SUMO2: variants seen among roughly 807,000 people sequenced by gnomAD.
SUMO2 encodes small ubiquitin-related modifier 2.
SUMO2 carries 1 observed loss-of-function variant against 16.0 expected under a neutral mutation model. The observed-to-expected ratio is 0.06, with a 90% CI of 0.02 to 0.30. The LOEUF is 0.30. Among genes scored for constraint, SUMO2 ranks in the 10% least tolerant of loss-of-function variants. The probability of loss-of-function intolerance (pLI) is 1.00; values close to 1 mark genes in which losing one functional copy is unlikely to be tolerated. For synonymous variants in SUMO2, 36 were observed against 40.6 expected, an observed-to-expected ratio of 0.89 and a Z score of 0.43; for missense variants, 16 against 117.5, an observed-to-expected ratio of 0.14 and a Z score of 3.99.
intron 3 of SUMO2, among the ~76,000 whole-genome samples, chr17:75,172,367 T>C (rs1464295948): frequency 6.9e-6 from 1 of 145,906 alleles, no homozygotes; most frequent in Admixed American, 7.1e-5. Flanking sequence ...TTACCCAGGC[T>C]GGAGTGCAGT....
chr17:75,175,758 G>A (rs762268467), intron 2 of SUMO2, among the ~76,000 whole-genome samples: 4 of 150,756 alleles, frequency 2.7e-5, no homozygotes, highest in East Asian at 2.0e-4. Context: ...TCAGCCTCCC[G>A]AGTAGCTGGG....
intron 3 of SUMO2, among the ~76,000 whole-genome samples, chr17:75,173,012 G>A (rs2074753969): frequency 6.6e-6 from 1 of 152,108 alleles, no homozygotes; most frequent in Non-Finnish European, 1.5e-5. Flanking sequence ...AATTTTCAAA[G>A]ATTATCAACA....
Position 75,174,820 on chromosome 17 carries a change from A to G in SUMO2, c.157T>C (p.Leu53=), listed in dbSNP as rs1294928931. 6.2e-7 allele frequency: 1 copy of G among 1,613,180 alleles called. No individual in the cohort carries two copies. The highest frequency in any genetic ancestry group is 8.5e-7 in the Non-Finnish European group (1 of 1,179,700). Residue 53 remains leucine (L), a synonymous_variant, in exon 3 of 4, where the codon TTG becomes CTG. Coordinates refer to ENST00000420826, the MANE Select transcript of SUMO2 (RefSeq NM_006937.4). ...LMKAYCERQG[L]SMRQIRFRFD... The stretch of plus-strand genomic sequence containing the variant: ...CGGAATCTGATCTGCCTCATTGACA[A>G]TCCCTGAACGAGAATTTAAAAGCAA...
chr17:75,168,496 C>A, intron 3 of SUMO2, 95 bp from the exon 4 acceptor site: 2 of 997,780 alleles, frequency 2.0e-6, no homozygotes, highest in South Asian at 1.7e-5. Flanking sequence ...TGTACATGTT[C>A]CACTAAGTTC....
At chr17:75,174,964 G>C (rs2074770471) in intron 2 of SUMO2, 141 bp from the exon 3 acceptor site, 1 of 729,208 alleles carries the variant, frequency 1.4e-6, no homozygotes, top group South Asian at 1.9e-5. Flanking sequence ...TACCCTATAG[G>C]TAAAAAGATT....
Position 75,168,014 on chromosome 17 carries a change from A to T in SUMO2, c.*325T>A. On this transcript the variant is annotated 3_prime_UTR_variant, in exon 4 of 4. Coordinates refer to ENST00000420826, the MANE Select transcript of SUMO2 (RefSeq NM_006937.4). ...CAAAATAACTTACTGGAATATAAAG[A>T]TAAGAGCTGAATGAGCATGCCACTA... The T allele has an allele frequency of 5.0e-6, 1 of 201,186 alleles. No individual in the cohort carries two copies. 12.5% of individuals were successfully genotyped at this position (201,186 alleles called of 1,614,324 possible).
At chr17:75,179,822 C>CT (rs1426978630) in intron 2 of SUMO2, among the ~76,000 whole-genome samples, 1 of 151,964 alleles carries the variant, frequency 6.6e-6, no homozygotes, top group Admixed American at 6.6e-5. Context: ...CCACGCCCAG[C>CT]TAATTTTTTT....
At chr17:75,180,452 C>T (rs906170348) in intron 2 of SUMO2, among the ~76,000 whole-genome samples, 3 of 129,042 alleles carry the variant, frequency 2.3e-5, no homozygotes, top group African/African-American at 8.6e-5. Flanking sequence ...GTGGCTCATG[C>T]TTGTAATCCC....
At position 75,165,606 on chromosome 17, in the gene SUMO2, T is replaced by A. The variant is rs952933614; in HGVS notation, c.*2733A>T. 1 of 152,170 alleles carries A rather than the reference T, an allele frequency of 6.6e-6. No individual in the cohort carries two copies. Among genetic ancestry groups the A allele is most frequent in the Non-Finnish European group, 1.5e-5 (1 of 68,036 alleles). The allele number at this position is 152,170 out of a possible 1,614,324, so 9.4% of individuals were successfully genotyped here. A position where few individuals can be genotyped will look rare whatever the true frequency, so the allele number is the denominator to read the frequency against. On this transcript the variant is annotated 3_prime_UTR_variant, in exon 4 of 4. Transcript: ENST00000420826. Reference sequence around the variant, plus strand: ...CATGGTGACTTGATGGTAGATTATATTGGTAGGTTGACAATCAGTATGGAC... The same window carrying A: ...CATGGTGACTTGATGGTAGATTATAATGGTAGGTTGACAATCAGTATGGAC...
chr17:75,176,986 C>T (rs568523623), intron 2 of SUMO2, among the ~76,000 whole-genome samples: 1 of 151,916 alleles, frequency 6.6e-6, no homozygotes, highest in African/African-American at 2.4e-5. Flanking sequence ...AGTTCGAGAC[C>T]AGCCTGTCCA....
chr17:75,177,187 T>A (rs540576948), intron 2 of SUMO2, among the ~76,000 whole-genome samples: 50 of 148,168 alleles, frequency 3.4e-4, no homozygotes, highest in African/African-American at 1.0e-3. Context: ...AAAAAAAAAA[T>A]TAATTAATTA....
rs571800744 is a variant in SUMO2 at position 75,182,726 on chromosome 17, G to A, written c.21+88C>T. 6.8e-5 allele frequency: 79 copies of A among 1,160,310 alleles called. No individual in the cohort carries two copies. The South Asian group carries it at 9.7e-4, about 14-fold the overall frequency. 71.9% of individuals were successfully genotyped at this position (1,160,310 alleles called of 1,614,324 possible). A position where few individuals can be genotyped will look rare whatever the true frequency, so the allele number is the denominator to read the frequency against. ...CCCGTGGGGGGCCCGGGAAAGCGCT[G>A]GGAGCCAGCGGCGGGCTCTGGCCGG... On this transcript the variant is annotated intron_variant, in intron 1 of 3. Transcript: ENST00000420826.
At chr17:75,181,632 G>A (rs1005671415) in intron 1 of SUMO2, among the ~76,000 whole-genome samples, 2 of 152,004 alleles carry the variant, frequency 1.3e-5, no homozygotes, top group African/African-American at 4.8e-5. Flanking sequence ...CATTACCGTT[G>A]TCATTAAAAA....
At chr17:75,171,307 C>A (rs953121045) in intron 3 of SUMO2, among the ~76,000 whole-genome samples, 1 of 150,942 alleles carries the variant, frequency 6.6e-6, no homozygotes, top group Non-Finnish European at 1.5e-5. Flanking sequence ...TTTGTACTGA[C>A]TCCGTCAATA....
At chr17:75,171,335 A>G (rs971996053) in intron 3 of SUMO2, among the ~76,000 whole-genome samples, 1 of 151,780 alleles carries the variant, frequency 6.6e-6, no homozygotes, top group Non-Finnish European at 1.5e-5. Context: ...TAAAATAAAA[A>G]CAACATAAAC....
At chr17:75,173,263 A>G (rs2074756072) in intron 3 of SUMO2, among the ~76,000 whole-genome samples, 2 of 152,060 alleles carry the variant, frequency 1.3e-5, no homozygotes, top group Admixed American at 6.6e-5. Context: ...TCCTGGACTC[A>G]AGCACCCCTC....
intron 2 of SUMO2, 50 bp downstream of exon 2, chr17:75,181,007 A>G (rs774908703): frequency 1.2e-6 from 2 of 1,604,560 alleles, no homozygotes; most frequent in Non-Finnish European, 8.5e-7. Flanking sequence ...TGAAAATAAG[A>G]TTTTTAAAAA....
Position 75,169,378 on chromosome 17 carries a change from A to G in SUMO2, c.226-977T>C, listed in dbSNP as rs1461069503. Among the ~76,000 whole-genome samples, 10 of 151,638 alleles carry G rather than the reference A, an allele frequency of 6.6e-5. No individual in the cohort carries two copies. In the East Asian group the frequency reaches 1.9e-3, roughly 30 times the overall value. On this transcript the variant is annotated intron_variant, in intron 3 of 3. Transcript: ENST00000420826. ...ACCTGGTGACACCCCATCCCTATTA[A>G]AAAAAAATTTTTTTTTTTTTTTTGA...
intron 2 of SUMO2, among the ~76,000 whole-genome samples, chr17:75,176,922 G>A (rs941958376): frequency 1.3e-5 from 2 of 151,938 alleles, no homozygotes; most frequent in South Asian, 2.1e-4. Flanking sequence ...TGTGGCTCAC[G>A]CCTGTAATCC....
Sources: gnomAD v4.1 joint callset for allele counts (sites outside exome capture counted in the v4.1 genomes callset) on GRCh38, gnomAD v4.1.1 for gene constraint, MANE v1.5 for transcripts, NCBI Gene and HGNC (gene_info 2026-07-23, HGNC 2026-07-21) for gene names.